The following SCFD2 variants were observed in gnomAD, a reference collection of about 807,000 sequenced individuals.
SCFD2 encodes the protein sec1 family domain containing 2, also known as sec1 family domain-containing protein 2.
SCFD2 carries 54 observed loss-of-function variants against 58.9 expected under a neutral mutation model. The ratio of observed to expected loss-of-function variants is 0.92; its 90% CI spans 0.74 to 1.15. The LOEUF is 1.15. SCFD2 is among the 50% of genes most tolerant of loss of function. The probability of loss-of-function intolerance (pLI) is 0.00; values close to 1 mark genes in which losing one functional copy is unlikely to be tolerated. For synonymous variants in SCFD2, 321 were observed against 335.9 expected, an observed-to-expected ratio of 0.96 and a Z score of 0.49; for missense variants, 805 against 836.6, an observed-to-expected ratio of 0.96 and a Z score of 0.47.
At chr4:53,153,314 T>C (rs1726568661) in intron 4 of SCFD2, among the ~76,000 whole-genome samples, 1 of 152,206 alleles carries the variant, frequency 6.6e-6, no homozygotes, top group Non-Finnish European at 1.5e-5. Flanking sequence ...CAAGCCTGCT[T>C]CACTCATGCA....
At chr4:53,247,924 G>T (rs1394187976) in intron 4 of SCFD2, among the ~76,000 whole-genome samples, 1 of 148,166 alleles carries the variant, frequency 6.7e-6, no homozygotes, top group Non-Finnish European at 1.5e-5. Flanking sequence ...GAGGAGCCAA[G>T]ATGGCCGAAT....
chr4:53,180,571 C>T (rs980285783), intron 4 of SCFD2, among the ~76,000 whole-genome samples: 2 of 151,986 alleles, frequency 1.3e-5, no homozygotes, highest in African/African-American at 4.8e-5. Context: ...AATTGACACC[C>T]TAACATCACA....
intron 5 of SCFD2, among the ~76,000 whole-genome samples, chr4:53,076,909 C>T (rs182910954): frequency 6.6e-5 from 10 of 152,246 alleles, no homozygotes; most frequent in South Asian, 2.1e-4. Flanking sequence ...CTAATTTAAA[C>T]GTACCAGAAG....
chr4:52,909,644 A>G (rs1719435582), intron 6 of SCFD2, among the ~76,000 whole-genome samples: 1 of 152,196 alleles, frequency 6.6e-6, no homozygotes, highest in Non-Finnish European at 1.5e-5. Context: ...CACAGTTTAA[A>G]GCACCACTAC....
intron 5 of SCFD2, among the ~76,000 whole-genome samples, chr4:52,947,797 T>C (rs1483229): frequency 0.026 from 3,874 of 150,250 alleles, 98 homozygotes; most frequent in Non-Finnish European, 0.037. Context: ...GCCAAAACTT[T>C]AAAATTAAAA....
At chr4:52,987,955 A>G (rs530738049) in intron 5 of SCFD2, among the ~76,000 whole-genome samples, 2 of 152,356 alleles carry the variant, frequency 1.3e-5, no homozygotes, top group African/African-American at 2.4e-5. Context: ...ACCAAAGTGC[A>G]TATGAAGAGA....
At chr4:53,261,344 T>C (rs1228005054) in intron 4 of SCFD2, among the ~76,000 whole-genome samples, 1 of 152,168 alleles carries the variant, frequency 6.6e-6, no homozygotes. Context: ...TCGTGCTCTT[T>C]CAGACTTTTT....
chr4:53,258,774 C>T (rs1222962559), intron 4 of SCFD2, among the ~76,000 whole-genome samples: 1 of 151,784 alleles, frequency 6.6e-6, no homozygotes, highest in Non-Finnish European at 1.5e-5. Flanking sequence ...AATGGTAGAT[C>T]TACTTTTAGT....
At chr4:53,000,252 C>T (rs1721834035) in intron 5 of SCFD2, among the ~76,000 whole-genome samples, 1 of 152,274 alleles carries the variant, frequency 6.6e-6, no homozygotes, top group South Asian at 2.1e-4. Context: ...ATTAGGTGGC[C>T]AGGTGATGGT....
intron 4 of SCFD2, among the ~76,000 whole-genome samples, chr4:53,216,791 T>A (rs536741545): frequency 2.0e-4 from 30 of 152,348 alleles, no homozygotes; most frequent in African/African-American, 6.0e-4. Context: ...TCTAGTGCTA[T>A]AAATTTCCCT....
chr4:53,333,570 C>T (rs1433741901), intron 2 of SCFD2, among the ~76,000 whole-genome samples: 3 of 151,668 alleles, frequency 2.0e-5, no homozygotes, highest in Admixed American at 6.6e-5. Context: ...AAACTGGATC[C>T]CTTCCTTATA....
At chr4:53,227,114 C>T (rs1303032698) in intron 4 of SCFD2, among the ~76,000 whole-genome samples, 3 of 152,116 alleles carry the variant, frequency 2.0e-5, no homozygotes, top group Non-Finnish European at 4.4e-5. Flanking sequence ...CCTCTGTAAG[C>T]GTCTCCTCTG....
At chr4:53,303,708 T>A (rs1348570842) in intron 3 of SCFD2, among the ~76,000 whole-genome samples, 1 of 151,942 alleles carries the variant, frequency 6.6e-6, no homozygotes, top group African/African-American at 2.4e-5. Flanking sequence ...AACCCAAATG[T>A]CCAGCAATGA....
intron 4 of SCFD2, among the ~76,000 whole-genome samples, chr4:53,201,025 A>AC (rs1728216043): frequency 6.6e-6 from 1 of 151,698 alleles, no homozygotes; most frequent in Admixed American, 6.6e-5. Flanking sequence ...TTTTTTAAAA[A>AC]ATTTTATTAT....
chr4:53,074,163 T>G (rs1723903501), intron 5 of SCFD2, among the ~76,000 whole-genome samples: 1 of 152,212 alleles, frequency 6.6e-6, no homozygotes, highest in African/African-American at 2.4e-5. Flanking sequence ...ATTTCAACAA[T>G]GTTCATAGCA....
At chr4:53,362,723 G>A (rs1401994444) in intron 1 of SCFD2, among the ~76,000 whole-genome samples, 1 of 151,494 alleles carries the variant, frequency 6.6e-6, no homozygotes, top group East Asian at 1.9e-4. Context: ...GAGCATGAGA[G>A]GTCAAGACAG....
intron 5 of SCFD2, among the ~76,000 whole-genome samples, chr4:53,105,163 A>G (rs1357410428): frequency 6.6e-6 from 1 of 152,060 alleles, no homozygotes. Flanking sequence ...CCCAGATACT[A>G]TGCTTTTCCC....
At chr4:53,127,470 CAG>C (rs778511727) in intron 5 of SCFD2, among the ~76,000 whole-genome samples, 4 of 152,148 alleles carry the variant, frequency 2.6e-5, no homozygotes, top group Non-Finnish European at 4.4e-5. Flanking sequence ...GCAAAACTCA[CAG>C]AGTTTATGAT....
chr4:53,090,625 C>T (rs1309718789), intron 5 of SCFD2, among the ~76,000 whole-genome samples: 1 of 152,152 alleles, frequency 6.6e-6, no homozygotes, highest in Non-Finnish European at 1.5e-5. Context: ...GTGGTATTCT[C>T]AAGTGGGATC....
Sources: gnomAD v4.1 joint callset for allele counts (sites outside exome capture counted in the v4.1 genomes callset) on GRCh38, gnomAD v4.1.1 for gene constraint, MANE v1.5 for transcripts, NCBI Gene and HGNC (gene_info 2026-07-23, HGNC 2026-07-21) for gene names.